SOX5: variants seen among roughly 807,000 people sequenced by gnomAD.
SOX5 encodes transcription factor SOX-5.
A neutral mutation model predicts 92.0 loss-of-function variants in SOX5; 9 were observed. The observed-to-expected ratio is 0.10, with a 90% CI of 0.06 to 0.17. The LOEUF is 0.17. Ranked by LOEUF, SOX5 falls within the 10% of genes least tolerant of loss-of-function variation. The pLI is 1.00. For missense variants in SOX5, 642 were observed against 944.5 expected (o/e 0.68, Z 4.20); for synonymous variants, 344 against 336.3 (o/e 1.02, Z -0.25).
intron 4 of SOX5, among the ~76,000 whole-genome samples, chr12:24,007,132 C>CAAAAAAA (rs377717275): frequency 4.1e-5 from 1 of 24,678 alleles, no homozygotes; most frequent in Non-Finnish European, 9.1e-5. Flanking sequence ...GACTCCATCT[C>CAAAAAAA]AAAAAAAAAT....
intron 1 of SOX5, among the ~76,000 whole-genome samples, chr12:24,421,784 A>G (rs918903944): frequency 1.1e-4 from 16 of 152,236 alleles, no homozygotes; most frequent in African/African-American, 3.9e-4. Context: ...TTATTGTATT[A>G]AAAGTGTGCT....
chr12:23,671,754 G>A (rs1410367064), intron 6 of SOX5, among the ~76,000 whole-genome samples: 1 of 152,016 alleles, frequency 6.6e-6, no homozygotes, highest in African/African-American at 2.4e-5. Flanking sequence ...AGGAATATAG[G>A]CACATAAAAA....
chr12:24,475,363 A>G (rs1431632538), intron 1 of SOX5, among the ~76,000 whole-genome samples: 1 of 152,260 alleles, frequency 6.6e-6, no homozygotes, highest in Non-Finnish European at 1.5e-5. Context: ...TTATAGGAGC[A>G]TAAGCCTCTC....
chr12:24,275,518 TACTC>T (rs1399493016), intron 3 of SOX5, among the ~76,000 whole-genome samples: 1 of 152,144 alleles, frequency 6.6e-6, no homozygotes, highest in African/African-American at 2.4e-5. Flanking sequence ...TCAAATGAAA[TACTC>T]ATTTCATTCT....
intron 4 of SOX5, among the ~76,000 whole-genome samples, chr12:24,117,402 G>T (rs757650453): frequency 2.6e-5 from 4 of 152,072 alleles, no homozygotes; most frequent in Non-Finnish European, 5.9e-5. Flanking sequence ...ACAGTATGGA[G>T]GTTCCTCAAA....
At chr12:23,815,499 A>G (rs1208481363) in intron 3 of SOX5, among the ~76,000 whole-genome samples, 2 of 152,198 alleles carry the variant, frequency 1.3e-5, no homozygotes, top group Non-Finnish European at 2.9e-5. Context: ...CTTTAGGTCC[A>G]TATGTCTTAA....
intron 4 of SOX5, among the ~76,000 whole-genome samples, chr12:24,046,787 C>T (rs1957079231): frequency 6.7e-6 from 1 of 149,304 alleles, no homozygotes; most frequent in Non-Finnish European, 1.5e-5. Flanking sequence ...TCAAGCCATT[C>T]TCTTACCTCA....
chr12:23,914,567 T>G (rs1390981960), intron 1 of SOX5, among the ~76,000 whole-genome samples: 6 of 152,078 alleles, frequency 3.9e-5, no homozygotes, highest in Non-Finnish European at 7.4e-5. Flanking sequence ...CACAGACATT[T>G]GAGTGATACC....
chr12:24,266,046 G>GTGTGTC (rs1389642165), intron 3 of SOX5, among the ~76,000 whole-genome samples: 4 of 98,432 alleles, frequency 4.1e-5, no homozygotes, highest in African/African-American at 1.5e-4. Flanking sequence ...GTGTGTGTGT[G>GTGTGTC]TGTGTGTGTG....
At chr12:23,718,431 GA>G (rs2092630643) in intron 6 of SOX5, among the ~76,000 whole-genome samples, 1 of 152,272 alleles carries the variant, frequency 6.6e-6, no homozygotes, top group African/African-American at 2.4e-5. Context: ...AGAGAGATTG[GA>G]AAAATGGAAT....
At chr12:24,547,152 T>G (rs1209239962) in intron 1 of SOX5, among the ~76,000 whole-genome samples, 1 of 150,390 alleles carries the variant, frequency 6.6e-6, no homozygotes, top group South Asian at 2.1e-4. Flanking sequence ...GAGAGCCAAA[T>G]AGTGAGAAGT....
chr12:24,197,277 G>A (rs550275393), intron 4 of SOX5, among the ~76,000 whole-genome samples: 7 of 152,212 alleles, frequency 4.6e-5, no homozygotes, highest in Middle Eastern at 3.4e-3. Context: ...AAAATATTCC[G>A]TCAGAAGATG....
At chr12:23,725,961 C>T (rs933882387) in intron 6 of SOX5, among the ~76,000 whole-genome samples, 1 of 152,078 alleles carries the variant, frequency 6.6e-6, no homozygotes, top group Non-Finnish European at 1.5e-5. Flanking sequence ...AAGAAGCTAT[C>T]CCAGTTTTCC....
At chr12:24,278,582 G>T (rs1420347149) in intron 2 of SOX5, among the ~76,000 whole-genome samples, 1 of 152,010 alleles carries the variant, frequency 6.6e-6, no homozygotes, top group Non-Finnish European at 1.5e-5. Flanking sequence ...ATGGTGGCAT[G>T]CATCTGTAGT....
At chr12:23,933,323 T>C (rs1163210662) in intron 1 of SOX5, among the ~76,000 whole-genome samples, 3 of 151,612 alleles carry the variant, frequency 2.0e-5, no homozygotes, top group Non-Finnish European at 4.4e-5. Flanking sequence ...ACATATACTG[T>C]ACAGAGTCTG....
At chr12:24,279,970 G>A (rs1008215225) in intron 2 of SOX5, among the ~76,000 whole-genome samples, 1 of 152,032 alleles carries the variant, frequency 6.6e-6, no homozygotes, top group South Asian at 2.1e-4. Flanking sequence ...GAAAGAAGGG[G>A]TTAATCATGC....
intron 4 of SOX5, among the ~76,000 whole-genome samples, chr12:23,987,959 G>A (rs1180219713): frequency 1.3e-5 from 2 of 152,190 alleles, no homozygotes; most frequent in Non-Finnish European, 2.9e-5. Flanking sequence ...AATGGAAGTA[G>A]AGAAACTTAA....
At chr12:24,320,592 G>A (rs889552502) in intron 2 of SOX5, among the ~76,000 whole-genome samples, 10 of 152,184 alleles carry the variant, frequency 6.6e-5, no homozygotes, top group East Asian at 5.8e-4. Context: ...GCGTCTGGGC[G>A]CGGTGGCTCA....
intron 9 of SOX5, among the ~76,000 whole-genome samples, chr12:23,579,902 T>G (rs184694451): frequency 2.3e-4 from 35 of 152,250 alleles, no homozygotes; most frequent in African/African-American, 8.2e-4. Context: ...TGTTAATTAC[T>G]TGCCTAATTG....
Sources: allele counts gnomAD v4.1 joint callset (sites outside exome capture counted in the v4.1 genomes callset), GRCh38; gene constraint gnomAD v4.1.1; transcripts MANE v1.5; gene names NCBI Gene and HGNC (gene_info 2026-07-23, HGNC 2026-07-21).